BCL11A: variants seen among roughly 807,000 people sequenced by gnomAD.
BCL11A encodes the protein BCL11 transcription factor A.
Under a neutral mutation model 55.9 loss-of-function variants are expected in BCL11A, and 2 were observed. The ratio of observed to expected loss-of-function variants is 0.04; its 90% CI spans 0.01 to 0.11. The LOEUF is 0.11. Among genes scored for constraint, BCL11A ranks in the 10% least tolerant of loss-of-function variants. BCL11A has a pLI of 1.00. For missense variants in BCL11A, 817 were observed against 1,137.1 expected, an observed-to-expected ratio of 0.72 and a Z score of 4.05; for synonymous variants, 465 against 473.4, an observed-to-expected ratio of 0.98 and a Z score of 0.23.
At chr2:60,484,685 AG>A (rs997302156) in intron 2 of BCL11A, among the ~76,000 whole-genome samples, 1 of 151,856 alleles carries the variant, frequency 6.6e-6, no homozygotes, top group Non-Finnish European at 1.5e-5. Context: ...GGGAATTTGG[AG>A]GGGGGCAAAA....
At chr2:60,506,590 G>A (rs545890841) in intron 2 of BCL11A, among the ~76,000 whole-genome samples, 20 of 152,284 alleles carry the variant, frequency 1.3e-4, no homozygotes, top group Admixed American at 9.8e-4. Context: ...CAGCACCCAC[G>A]TGCCTTTGTG....
intron 1 of BCL11A, 98 bp downstream of exon 1, chr2:60,553,118 T>C (rs1670490002): frequency 1.6e-6 from 2 of 1,288,584 alleles, no homozygotes; most frequent in African/African-American, 1.5e-5. Flanking sequence ...AATTTAAAAA[T>C]GCATGCACAC....
At chr2:60,450,536 A>C (rs1675688977), downstream of BCL11A, 1 of 152,182 alleles carries the variant, frequency 6.6e-6, no homozygotes, top group Admixed American at 6.5e-5. Context: ...TCCCTTTGGA[A>C]GTGGTGTCAC....
Position 60,458,400 on chromosome 2 carries a change from C to A in BCL11A, c.*2004G>T. On this transcript the variant is annotated 3_prime_UTR_variant, in exon 4 of 4. Coordinates refer to ENST00000642384, the MANE Select transcript of BCL11A (RefSeq NM_022893.4). ...ATGGAACCCTAAAATGCAGTTCCCCCCTAAACATAATGAAGTGTTTTTTAA... is the reference window on the plus strand; with the variant it reads ...ATGGAACCCTAAAATGCAGTTCCCCACTAAACATAATGAAGTGTTTTTTAA... The A allele has an allele frequency of 5.9e-6, 6 of 1,021,768 alleles. No individual in the cohort carries two copies. Among genetic ancestry groups the A allele is most frequent in the Non-Finnish European group, 7.1e-6 (6 of 850,998 alleles). The allele number at this position is 1,021,768 out of a possible 1,614,324, so 63.3% of individuals were successfully genotyped here.
chr2:60,516,543 C>A (rs1668737165), intron 2 of BCL11A, among the ~76,000 whole-genome samples: 1 of 152,216 alleles, frequency 6.6e-6, no homozygotes, highest in Non-Finnish European at 1.5e-5. Flanking sequence ...TCGTAACTCA[C>A]CGTCATCCGG....
chr2:60,471,357 A>C (rs1055384858), intron 2 of BCL11A, among the ~76,000 whole-genome samples: 11 of 152,246 alleles, frequency 7.2e-5, no homozygotes, highest in Non-Finnish European at 1.3e-4. Context: ...CTTCAGGAAG[A>C]GGGTCAAAGC....
chr2:60,469,501 A>G lies in BCL11A; in HGVS notation c.386-668T>C, dbSNP rs185844607. 2.2e-3 allele frequency among the ~76,000 whole-genome samples: 333 copies of G among 152,334 alleles called. 1 individual carries two copies. Among genetic ancestry groups the G allele is most frequent in the African/African-American group, 7.6e-3 (315 of 41,572 alleles). ...CTCACAATACAAAGCAATGGAAGAT[A>G]AAGATTAGACTTCTGGGGTCCAAAT... On this transcript the variant is annotated intron_variant, in intron 2 of 3. Transcript: ENST00000642384.
At chr2:60,518,575 G>A (rs190072687) in intron 2 of BCL11A, among the ~76,000 whole-genome samples, 4 of 152,278 alleles carry the variant, frequency 2.6e-5, no homozygotes, top group Admixed American at 2.0e-4. Flanking sequence ...CAAAGGCATG[G>A]GGGGACAAGG....
At chr2:60,475,295 C>A (rs1677523607) in intron 2 of BCL11A, among the ~76,000 whole-genome samples, 1 of 152,238 alleles carries the variant, frequency 6.6e-6, no homozygotes, top group Non-Finnish European at 1.5e-5. Context: ...ATAAGGGACA[C>A]AACCATGTGG....
intron 2 of BCL11A, among the ~76,000 whole-genome samples, chr2:60,497,674 A>T (rs1679031024): frequency 6.6e-6 from 1 of 152,150 alleles, no homozygotes; most frequent in Non-Finnish European, 1.5e-5. Context: ...TGCACCTTCC[A>T]GAGCAATTTA....
chr2:60,453,323 T>C (rs1675802905), downstream of BCL11A, among the ~76,000 whole-genome samples: 1 of 152,242 alleles, frequency 6.6e-6, no homozygotes, highest in African/African-American at 2.4e-5. Flanking sequence ...AGTGGTTATT[T>C]TCCTCCGGGG....
At chr2:60,548,159 T>C (rs1439183697) in intron 1 of BCL11A, among the ~76,000 whole-genome samples, 1 of 152,230 alleles carries the variant, frequency 6.6e-6, no homozygotes, top group Non-Finnish European at 1.5e-5. Context: ...TCCTGTTGTC[T>C]GAATTAAGGA....
At chr2:60,479,670 C>T (rs1052887965) in intron 2 of BCL11A, among the ~76,000 whole-genome samples, 2 of 152,178 alleles carry the variant, frequency 1.3e-5, no homozygotes, top group South Asian at 4.1e-4. Context: ...AGGCAAGAAC[C>T]GTCCTGTACT....
Position 60,457,409 on chromosome 2 carries a change from A to T in BCL11A, c.*2995T>A. The stretch of plus-strand genomic sequence containing the variant: ...CAAAGAAAAATAAAAGATCAAATTA[A>T]GTGCCTCTGTTTTGAACAGGGCACA... On this transcript the variant is annotated 3_prime_UTR_variant, in exon 4 of 4. Coordinates refer to ENST00000642384, the MANE Select transcript of BCL11A (RefSeq NM_022893.4). 1 of 1,030,128 alleles carries T rather than the reference A, an allele frequency of 9.7e-7. No individual in the cohort carries two copies. 63.8% of individuals were successfully genotyped at this position (1,030,128 alleles called of 1,614,324 possible).
At chr2:60,457,020 T>C (rs762540364), downstream of BCL11A, among the ~76,000 whole-genome samples, 22 of 152,222 alleles carry the variant, frequency 1.4e-4, no homozygotes, top group Non-Finnish European at 2.1e-4. Flanking sequence ...GGGTTTGAGA[T>C]ATGTCTATTT....
chr2:60,462,187 C>G lies in BCL11A; in HGVS notation c.725G>C (p.Arg242Thr). 1 of 1,597,462 alleles carries G rather than the reference C, an allele frequency of 6.3e-7. No individual in the cohort carries two copies. Among genetic ancestry groups the G allele is most frequent in the East Asian group, 2.2e-5 (1 of 44,762 alleles). ...CTCTCTCGATACTGATCCTGGTATT[C>G]TTAGCAGGTTAAAGGGGTTATTGTC... is the stretch of plus-strand genomic sequence containing the variant. ...IADNNPFNLL[R>T]IPGSVSREAS... The change falls in exon 4 of 4, where the codon AGA becomes ACA. Residue 242 changes from arginine to threonine, a missense_variant. By Grantham distance (71) the Arg-to-Thr change is moderately conservative. Transcript: ENST00000642384.
Position 60,457,834 on chromosome 2 carries a change from G to A in BCL11A, c.*2570C>T, listed in dbSNP as rs569564170. On this transcript the variant is annotated 3_prime_UTR_variant, in exon 4 of 4. Coordinates refer to ENST00000642384, the MANE Select transcript of BCL11A (RefSeq NM_022893.4). ...CATACAGTATGGCAGCAGGAAAAAG[G>A]AACAAAAAAGGATATGTACAACCCC... 7.6e-6 allele frequency: 8 copies of A among 1,049,214 alleles called. No individual in the cohort carries two copies. In the South Asian group the frequency reaches 3.2e-4, roughly 42 times the overall value. The allele number at this position is 1,049,214 out of a possible 1,614,324, so 65.0% of individuals were successfully genotyped here.
intron 3 of BCL11A, among the ~76,000 whole-genome samples, chr2:60,468,088 T>TG (rs1558621167): frequency 2.3e-4 from 3 of 12,812 alleles, no homozygotes; most frequent in East Asian, 2.7e-3. Context: ...TGGTGGTGGT[T>TG]GTGGTGGTGG....
intron 2 of BCL11A, among the ~76,000 whole-genome samples, chr2:60,492,153 G>T (rs1003850343): frequency 6.6e-6 from 1 of 152,184 alleles, no homozygotes; most frequent in Admixed American, 6.5e-5. Context: ...AAGGCAGGAG[G>T]ATCACTGGAG....
Sources: allele counts gnomAD v4.1 joint callset (sites outside exome capture counted in the v4.1 genomes callset), GRCh38; gene constraint gnomAD v4.1.1; transcripts MANE v1.5; gene names NCBI Gene and HGNC (gene_info 2026-07-23, HGNC 2026-07-21).